SUPT5H: variants seen among roughly 807,000 people sequenced by gnomAD.
SUPT5H encodes the protein SPT5 homolog, DSIF elongation factor subunit, also known as transcription elongation factor SPT5.
Under a neutral mutation model 142.5 loss-of-function variants are expected in SUPT5H, and 24 were observed. The ratio of observed to expected loss-of-function variants is 0.17; its 90% confidence interval spans 0.12 to 0.24. The LOEUF (loss-of-function observed/expected upper bound fraction) is 0.24, where lower values mean the gene tolerates loss of function less well. Among genes scored for constraint, SUPT5H ranks in the 10% least tolerant of loss-of-function variants. The pLI, the probability that SUPT5H is intolerant of heterozygous loss-of-function variation, is 1.00. For synonymous variants in SUPT5H, 546 were observed against 553.0 expected, an observed-to-expected ratio of 0.99 and a Z score of 0.18; for missense variants, 893 against 1,471.8, an observed-to-expected ratio of 0.61 and a Z score of 6.43.
At position 39,472,989 on chromosome 19, in the gene SUPT5H, C is replaced by T; in HGVS notation, c.2156-23C>T. The T allele has an allele frequency of 1.2e-6, 2 of 1,612,726 alleles. No homozygotes were observed. Among genetic ancestry groups the T allele is most frequent in the South Asian group, 2.2e-5 (2 of 91,046 alleles). ...GCATGGTGAAGGAGAGCCTGCCCAG[C>T]CTGACCTCCTGTCCCCCTGCAGGCT... On this transcript the variant is annotated intron_variant, in intron 22 of 29. Transcript: ENST00000432763. The surrounding 1 kb of genome is among the most constrained non-coding windows in gnomAD (Gnocchi z 4.2).
At chr19:39,453,721 C>G (rs1404641481) in intron 3 of SUPT5H, among the ~76,000 whole-genome samples, 200 bp downstream of exon 3, 1 of 152,162 alleles carries the variant, frequency 6.6e-6, no homozygotes, top group East Asian at 1.9e-4. Context: ...CCCGCCACCA[C>G]GCCCGGCTAA....
At position 39,458,770 on chromosome 19, in the gene SUPT5H, C is replaced by A; in HGVS notation, c.320-48C>A. 6.4e-7 allele frequency: 1 copy of A among 1,555,804 alleles called. No homozygotes were observed. Among genetic ancestry groups the A allele is most frequent in the Non-Finnish European group, 8.8e-7 (1 of 1,142,350 alleles). On this transcript the variant is annotated intron_variant, in intron 5 of 29. Transcript: ENST00000432763. The surrounding 1 kb of genome is among the most constrained non-coding windows in gnomAD (Gnocchi z 4.2). ...GCACGCTCCTATTTTCTCCAGGCCCCTGCCCTCCACCTGCCCTTGCTCACG... is the reference window on the plus strand; with the variant it reads ...GCACGCTCCTATTTTCTCCAGGCCCATGCCCTCCACCTGCCCTTGCTCACG...
At chr19:39,457,188 A>G (rs561445452) in intron 3 of SUPT5H, among the ~76,000 whole-genome samples, 3 of 152,356 alleles carry the variant, frequency 2.0e-5, no homozygotes, top group Non-Finnish European at 2.9e-5. Context: ...GCTGTAAAAT[A>G]GGAACAACGA....
chr19:39,466,412 G>A lies in SUPT5H; in HGVS notation c.877-68G>A, dbSNP rs2079236596. ...TCCCTTCTCCTTCCTAGCATCTCCT[G>A]ACCCTTCTTGTGTCTGGGGTCAGGG... On this transcript the variant is annotated intron_variant, in intron 11 of 29. Coordinates refer to ENST00000432763, the MANE Select transcript of SUPT5H (RefSeq NM_001111020.3). This position sits in a 1 kb window ranked among gnomAD's most constrained non-coding sequence, Gnocchi z 4.3. 2.1e-6 allele frequency: 3 copies of A among 1,446,122 alleles called. No individual in the cohort carries two copies. Among genetic ancestry groups the A allele is most frequent in the Non-Finnish European group, 2.9e-6 (3 of 1,030,268 alleles). The allele number at this position is 1,446,122 out of a possible 1,614,324, so 89.6% of individuals were successfully genotyped here. A position where few individuals can be genotyped will look rare whatever the true frequency, so the allele number is the denominator to read the frequency against.
intron 10 of SUPT5H, 89 bp downstream of exon 10, chr19:39,460,049 C>G: frequency 7.2e-7 from 1 of 1,383,030 alleles, no homozygotes; most frequent in Non-Finnish European, 1.0e-6. Flanking sequence ...CCAGGTGCCT[C>G]TGTTGTGAGC....
rs2079368279 is a variant in SUPT5H at position 39,474,182 on chromosome 19, T to C, written c.2652-52T>C. 6 of 1,611,832 alleles carry C rather than the reference T, an allele frequency of 3.7e-6. No individual in the cohort carries two copies. Among genetic ancestry groups the C allele is most frequent in the Non-Finnish European group, 5.1e-6 (6 of 1,178,984 alleles). Reference sequence around the variant, plus strand: ...CCCAAACCCTCCTACTGCCACCACCTCTTTTCCCCTCCCTCCTCCAACAAA... The same window carrying C: ...CCCAAACCCTCCTACTGCCACCACCCCTTTTCCCCTCCCTCCTCCAACAAA... On this transcript the variant is annotated intron_variant, in intron 26 of 29. Coordinates refer to ENST00000432763, the MANE Select transcript of SUPT5H (RefSeq NM_001111020.3). This position sits in a 1 kb window ranked among gnomAD's most constrained non-coding sequence, Gnocchi z 6.5.
intron 10 of SUPT5H, among the ~76,000 whole-genome samples, chr19:39,463,214 C>G (rs2079189051): frequency 6.6e-6 from 1 of 151,464 alleles, no homozygotes; most frequent in African/African-American, 2.4e-5. Flanking sequence ...GTTGGCCAGG[C>G]TGGTATTGAA....
intron 9 of SUPT5H, 25 bp downstream of exon 9, chr19:39,459,614 G>A: frequency 6.2e-7 from 1 of 1,613,610 alleles, no homozygotes; most frequent in Non-Finnish European, 8.5e-7. Flanking sequence ...CTCGGGGCTT[G>A]GAGGAGGTGG....
intron 2 of SUPT5H, among the ~76,000 whole-genome samples, chr19:39,451,596 A>G (rs1041387844): frequency 6.6e-6 from 1 of 152,102 alleles, no homozygotes; most frequent in Non-Finnish European, 1.5e-5. Context: ...CAGTGGTACA[A>G]TCTCGGCTGA....
In SUPT5H at chr19:39,474,064, C is replaced by G; in HGVS notation, c.2594C>G (p.Pro865Arg). Residue 865 changes from proline (P) to arginine (R), a missense_variant, in exon 26 of 30, where the codon CCC (proline) becomes CGC (arginine). This residue lies in a region of SUPT5H where 336 missense variants were observed against 546.5 expected (regional missense o/e 0.61). Transcript: ENST00000432763. This position sits in a 1 kb window ranked among gnomAD's most constrained non-coding sequence, Gnocchi z 6.5. ...CCCCAAACACCTGGCTACCCAGACC[C>G]CTCGTCCCCACAGGTCAACCCACAA... ...PNPQTPGYPD[P>R]SSPQVNPQYN... 6.2e-7 allele frequency: 1 copy of G among 1,610,344 alleles called. No individual in the cohort carries two copies. Among genetic ancestry groups the G allele is most frequent in the Non-Finnish European group, 8.5e-7 (1 of 1,177,892 alleles).
rs2079407549 is a variant in SUPT5H, at chr19:39,476,438, A to G, written c.*39A>G. On this transcript the variant is annotated 3_prime_UTR_variant, in exon 30 of 30. Coordinates refer to ENST00000432763, the MANE Select transcript of SUPT5H (RefSeq NM_001111020.3). ...GGTGGACTTCGTCGGATGAAGAGTGATCCTCCTTCCTTCCCTGGCCCTTGG... is the reference window on the plus strand; with the variant it reads ...GGTGGACTTCGTCGGATGAAGAGTGGTCCTCCTTCCTTCCCTGGCCCTTGG... 3 of 1,610,478 alleles carry G rather than the reference A, an allele frequency of 1.9e-6. No individual in the cohort carries two copies. The highest frequency in any genetic ancestry group is 1.7e-6 in the Non-Finnish European group (2 of 1,178,458).
intron 10 of SUPT5H, among the ~76,000 whole-genome samples, chr19:39,462,454 T>G (rs1167875644): frequency 6.6e-6 from 1 of 152,204 alleles, no homozygotes; most frequent in Non-Finnish European, 1.5e-5. Context: ...ATACAATATG[T>G]CGCCTTTCGT....
At chr19:39,465,107 T>G in intron 11 of SUPT5H, 58 bp downstream of exon 11, 1 of 1,560,854 alleles carries the variant, frequency 6.4e-7, no homozygotes, top group African/African-American at 1.4e-5. Flanking sequence ...CTCCCTTCCT[T>G]TCCTTTTGTC....
At chr19:39,459,738 G>T in intron 9 of SUPT5H, 149 bp downstream of exon 9, 1 of 1,285,368 alleles carries the variant, frequency 7.8e-7, no homozygotes, top group East Asian at 2.3e-5. Flanking sequence ...TTACTGACTG[G>T]CTATCTCCCA....
intron 2 of SUPT5H, among the ~76,000 whole-genome samples, 156 bp downstream of exon 2, chr19:39,446,121 A>C (rs1308798884): frequency 6.6e-6 from 1 of 152,220 alleles, no homozygotes; most frequent in Non-Finnish European, 1.5e-5. Flanking sequence ...AGTCGAAGTC[A>C]AGCAAAGGGA....
Position 39,473,408 on chromosome 19 carries a change from C to T in SUPT5H, c.2387-8C>T. On this transcript the variant is annotated splice_region_variant and splice_polypyrimidine_tract_variant and intron_variant, in intron 24 of 29. Transcript: ENST00000432763. This position sits in a 1 kb window ranked among gnomAD's most constrained non-coding sequence, Gnocchi z 5.8. ...ACAGGACAGACACACTCATTTCCCC[C>T]ATTCCAGGTAGCCGCACCCCACACT... is the stretch of plus-strand genomic sequence containing the variant. 1 of 1,613,282 alleles carries T rather than the reference C, an allele frequency of 6.2e-7. No homozygotes were observed. The highest frequency in any genetic ancestry group is 8.5e-7 in the Non-Finnish European group (1 of 1,179,750).
At chr19:39,459,772 CCTT>C (rs2146096352) in intron 9 of SUPT5H, 117 bp from the exon 10 acceptor site, 1 of 1,237,002 alleles carries the variant, frequency 8.1e-7, no homozygotes, top group African/African-American at 1.5e-5. Flanking sequence ...GGCTGTCCAT[CCTT>C]CTTTCTCTCT....
In SUPT5H at chr19:39,445,798, T is replaced by TCC; in HGVS notation, c.-87-4_-87-3dup. ...GGAAGCGCCCTAAGGGGTTTTCTTC[T>TCC]CCCAGGGAACCAGCGGGGAAACTGA... On this transcript the variant is annotated splice_polypyrimidine_tract_variant and splice_region_variant and intron_variant, in intron 1 of 29. Coordinates refer to ENST00000432763, the MANE Select transcript of SUPT5H (RefSeq NM_001111020.3). 1 of 1,496,588 alleles carries TCC rather than the reference T, an allele frequency of 6.7e-7. No homozygotes were observed. The highest frequency in any genetic ancestry group is 9.1e-7 in the Non-Finnish European group (1 of 1,095,996). 92.7% of individuals were successfully genotyped at this position (1,496,588 alleles called of 1,614,324 possible). A position where few individuals can be genotyped will look rare whatever the true frequency, so the allele number is the denominator to read the frequency against.
At position 39,473,224 on chromosome 19, in the gene SUPT5H, C is replaced by T; in HGVS notation, c.2280C>T (p.Gly760=). 1 of 1,613,074 alleles carries T rather than the reference C, an allele frequency of 6.2e-7. No individual in the cohort carries two copies. The highest frequency in any genetic ancestry group is 8.5e-7 in the Non-Finnish European group (1 of 1,179,940). Residue 760 remains glycine, a synonymous_variant, in exon 24 of 30, where the codon GGC becomes GGT. Transcript: ENST00000432763. The surrounding 1 kb of genome is among the most constrained non-coding windows in gnomAD (Gnocchi z 5.8). ...CCAGGGGCTCACGGCGCCCGGGCGG[C>T]ATGACCTCGACCTATGGGAGGACGC... ...LTTVGSRRPG[G]MTSTYGRTPM...
Sources: gnomAD v4.1 joint callset for allele counts (sites outside exome capture counted in the v4.1 genomes callset) on GRCh38, gnomAD v4.1.1 for gene constraint, gnomAD v4.1.1 regional missense constraint, Gnocchi (gnomAD v3.1) non-coding constraint, MANE v1.5 for transcripts, NCBI Gene and HGNC (gene_info 2026-07-23, HGNC 2026-07-21) for gene names.